Variants in TACR1 observed in about 807,000 individuals in gnomAD.
TACR1 encodes tachykinin receptor 1, also known as substance-P receptor.
Under a neutral mutation model 35.8 loss-of-function variants are expected in TACR1, and 25 were observed. The ratio of observed to expected loss-of-function variants is 0.70; its 90% CI spans 0.51 to 0.98. The LOEUF (loss-of-function observed/expected upper bound fraction) is 0.98. Among genes scored for constraint, TACR1 ranks in the 50% least tolerant of loss-of-function variants. The probability of loss-of-function intolerance (pLI) is 0.00; values close to 1 mark genes in which losing one functional copy is unlikely to be tolerated. For synonymous variants in TACR1, 195 were observed against 206.7 expected (o/e 0.94, Z 0.48); for missense variants, 478 against 522.9 (o/e 0.91, Z 0.84).
At chr2:75,171,285 C>A (rs79175194) in intron 1 of TACR1, among the ~76,000 whole-genome samples, 6,338 of 152,300 alleles carry the variant, frequency 0.042, 149 homozygotes, top group Middle Eastern at 0.068. Context: ...TGGCAGCTTA[C>A]ATGTGGTGTT....
chr2:75,195,667 AAAT>A (rs147674108), intron 1 of TACR1, among the ~76,000 whole-genome samples: 2,410 of 152,278 alleles, frequency 0.016, 74 homozygotes, highest in African/African-American at 0.056. Context: ...TATCTTAAGA[AAAT>A]AATCAAGAAG....
intron 2 of TACR1, among the ~76,000 whole-genome samples, chr2:75,112,738 T>C (rs546022675): frequency 1.4e-4 from 21 of 152,316 alleles, no homozygotes; most frequent in African/African-American, 4.8e-4. Context: ...AAATTTAATT[T>C]TGGCATTTCT....
chr2:75,143,841 T>C (rs999650572), intron 1 of TACR1, among the ~76,000 whole-genome samples: 3 of 152,206 alleles, frequency 2.0e-5, no homozygotes, highest in African/African-American at 7.2e-5. Context: ...GCTAGTGGCC[T>C]GGATTGACTG....
chr2:75,103,239 T>G (rs1316593450), intron 2 of TACR1, among the ~76,000 whole-genome samples: 2 of 152,240 alleles, frequency 1.3e-5, no homozygotes, highest in East Asian at 3.9e-4. Flanking sequence ...GAGAAGTGGT[T>G]GATTGTAGAA....
At chr2:75,120,424 C>A in intron 2 of TACR1, 150 bp downstream of exon 2, 1 of 640,624 alleles carries the variant, frequency 1.6e-6, no homozygotes, top group Non-Finnish European at 2.6e-6. Context: ...GACATATCAA[C>A]CTGATATGAG....
intron 1 of TACR1, among the ~76,000 whole-genome samples, chr2:75,137,728 C>CAAAAAAAAAAAAAAAAA (rs11326632): frequency 4.2e-5 from 2 of 47,516 alleles, no homozygotes; most frequent in East Asian, 9.8e-4. Flanking sequence ...GTCTCCGTCT[C>CAAAAAAAAAAAAAAAAA]AAAAAAAAAA....
Position 75,049,738 on chromosome 2 carries a change from G to A in TACR1, c.933-15C>T. 3 of 1,607,210 alleles carry A rather than the reference G, an allele frequency of 1.9e-6. No individual in the cohort carries two copies. The highest frequency in any genetic ancestry group is 1.7e-6 in the Non-Finnish European group (2 of 1,175,990). ...CCAGACGGAACCTGGAGAGCGAGCA[G>A]ATGAAGAGGTGACCCTTTGGGACGG... On this transcript the variant is annotated splice_polypyrimidine_tract_variant and intron_variant, in intron 4 of 4. Coordinates refer to ENST00000305249, the MANE Select transcript of TACR1 (RefSeq NM_001058.4).
chr2:75,104,715 A>G (rs1673606224), intron 2 of TACR1, among the ~76,000 whole-genome samples: 1 of 152,104 alleles, frequency 6.6e-6, no homozygotes, highest in Non-Finnish European at 1.5e-5. Context: ...ATATGAAACT[A>G]CAAATCAATA....
At chr2:75,105,155 T>C (rs1673613593) in intron 2 of TACR1, among the ~76,000 whole-genome samples, 2 of 152,052 alleles carry the variant, frequency 1.3e-5, no homozygotes, top group Admixed American at 1.3e-4. Context: ...AATGGATTAA[T>C]AGATAAAGAA....
chr2:75,130,143 A>G (rs1483914143), intron 1 of TACR1, among the ~76,000 whole-genome samples: 1 of 152,230 alleles, frequency 6.6e-6, no homozygotes, highest in African/African-American at 2.4e-5. Context: ...TGTCTTGATT[A>G]CTGAATTTTT....
intron 1 of TACR1, among the ~76,000 whole-genome samples, chr2:75,143,449 C>T (rs889957101): frequency 2.0e-5 from 3 of 152,136 alleles, no homozygotes; most frequent in Admixed American, 6.5e-5. Context: ...ATGCCTTCTT[C>T]GAACCAGAAG....
chr2:75,134,583 G>T (rs1212670375), intron 1 of TACR1, among the ~76,000 whole-genome samples: 1 of 152,188 alleles, frequency 6.6e-6, no homozygotes, highest in Non-Finnish European at 1.5e-5. Flanking sequence ...TGACCTGAAA[G>T]GTTGAGCTGG....
chr2:75,181,299 C>CA, intron 1 of TACR1, among the ~76,000 whole-genome samples: 1 of 151,874 alleles, frequency 6.6e-6, no homozygotes, highest in Non-Finnish European at 1.5e-5. Context: ...TGAAAAGCTT[C>CA]TTTCCAAAAT....
At chr2:75,149,079 ATG>A (rs1207788298) in intron 1 of TACR1, among the ~76,000 whole-genome samples, 1 of 151,896 alleles carries the variant, frequency 6.6e-6, no homozygotes. Context: ...CCATTGGTCT[ATG>A]TGTTTGTTTT....
chr2:75,173,027 C>T (rs1000938263), intron 1 of TACR1, among the ~76,000 whole-genome samples: 1 of 152,050 alleles, frequency 6.6e-6, no homozygotes, highest in Non-Finnish European at 1.5e-5. Flanking sequence ...GCAAATAAGG[C>T]CACATTCTGA....
chr2:75,077,479 A>G (rs1050911163), intron 2 of TACR1, among the ~76,000 whole-genome samples: 1 of 152,202 alleles, frequency 6.6e-6, no homozygotes, highest in Non-Finnish European at 1.5e-5. Context: ...GAAGAAGCTG[A>G]GAGGAGAGGT....
At chr2:75,099,291 C>A (rs1188585416) in intron 2 of TACR1, among the ~76,000 whole-genome samples, 2 of 152,182 alleles carry the variant, frequency 1.3e-5, no homozygotes, top group Admixed American at 6.5e-5. Context: ...TTATCTGCAT[C>A]CTGGCCACAC....
rs559861907 is a variant in TACR1 at position 75,170,346 on chromosome 2, A to G, written c.389+28200T>C. Among the ~76,000 whole-genome samples the G allele has an allele frequency of 1.5e-3, 227 of 152,356 alleles. 1 individual carries two copies. The highest frequency in any genetic ancestry group is 0.013 in the South Asian group (61 of 4,826). ...CTTTGCTACTCATTTGTCTTCAGCC[A>G]AGATTGTGAGGCCTCCCTAGCCATG... On this transcript the variant is annotated intron_variant, in intron 1 of 4. Transcript: ENST00000305249.
chr2:75,110,543 C>T (rs926801502), intron 2 of TACR1, among the ~76,000 whole-genome samples: 1 of 151,812 alleles, frequency 6.6e-6, no homozygotes, highest in East Asian at 1.9e-4. Flanking sequence ...CATGAATATA[C>T]TTTATGAAAC....
Sources: gnomAD v4.1 joint callset for allele counts (sites outside exome capture counted in the v4.1 genomes callset) on GRCh38, gnomAD v4.1.1 for gene constraint, MANE v1.5 for transcripts, NCBI Gene and HGNC (gene_info 2026-07-23, HGNC 2026-07-21) for gene names.